The following FANCC variants were observed in gnomAD, a reference collection of about 807,000 sequenced individuals.
FANCC encodes the protein Fanconi anemia group C protein.
A neutral mutation model predicts 71.3 loss-of-function variants in FANCC; 55 were observed. The ratio of observed to expected loss-of-function variants is 0.77; its 90% CI spans 0.62 to 0.97. The LOEUF (loss-of-function observed/expected upper bound fraction) is 0.97, where lower values mean the gene tolerates loss of function less well. Among genes scored for constraint, FANCC ranks in the 50% least tolerant of loss-of-function variants. The pLI is 0.00. For synonymous variants in FANCC, 275 were observed against 244.9 expected (o/e 1.12, Z -1.15); for missense variants, 678 against 670.9 (o/e 1.01, Z -0.12).
At position 95,149,961 on chromosome 9, in the gene FANCC, C is replaced by A; in HGVS notation, c.648G>T (p.Gln216His). 6.2e-7 allele frequency: 1 copy of A among 1,611,640 alleles called. No homozygotes were observed. The highest frequency in any genetic ancestry group is 8.5e-7 in the Non-Finnish European group (1 of 1,179,024). The change falls in exon 7 of 15, where the codon CAG becomes CAT. Residue 216 changes from glutamine (Q) to histidine (H), a missense_variant. Gln to His is a conservative substitution (Grantham distance 24). Transcript: ENST00000289081. ...CHGREPQEILQPEFFEAVNEA... is the reference protein window; with the variant it reads ...CHGREPQEILHPEFFEAVNEA... ...CGTTTACAGCCTCAAAGAACTCTGGCTGGAGGATTTCCTGAGGTTCACGTC... is the reference window on the plus strand; with the variant it reads ...CGTTTACAGCCTCAAAGAACTCTGGATGGAGGATTTCCTGAGGTTCACGTC...
intron 11 of FANCC, among the ~76,000 whole-genome samples, chr9:95,116,249 C>T (rs905496540): frequency 6.6e-6 from 1 of 152,202 alleles, no homozygotes; most frequent in African/African-American, 2.4e-5. Context: ...CTGACCTAAG[C>T]GTAAGGTGAA....
intron 1 of FANCC, among the ~76,000 whole-genome samples, chr9:95,262,598 T>C (rs998064399): frequency 2.0e-5 from 3 of 152,156 alleles, no homozygotes; most frequent in Non-Finnish European, 1.5e-5. Context: ...GAATTACCAT[T>C]GATCCAGCAA....
intron 1 of FANCC, among the ~76,000 whole-genome samples, chr9:95,252,616 G>A (rs935479500): frequency 1.3e-5 from 2 of 151,570 alleles, no homozygotes; most frequent in Non-Finnish European, 2.9e-5. Flanking sequence ...CGTGGTGGTG[G>A]GCGCCTATAG....
At chr9:95,293,448 T>C (rs978028626) in intron 1 of FANCC, 48 of 1,570,162 alleles carry the variant, frequency 3.1e-5, no homozygotes, top group Non-Finnish European at 3.8e-5. Flanking sequence ...ACTTCTTTTC[T>C]AAATTGCTGA....
chr9:95,103,859 A>G (rs2071241848), intron 14 of FANCC, among the ~76,000 whole-genome samples: 1 of 152,178 alleles, frequency 6.6e-6, no homozygotes, highest in Non-Finnish European at 1.5e-5. Flanking sequence ...AGATGGAGCC[A>G]CTCGCTCAAG....
chr9:95,107,561 G>A, intron 13 of FANCC: 1 of 514,250 alleles, frequency 1.9e-6, no homozygotes, highest in Non-Finnish European at 3.5e-6. Context: ...ACAGAATGTA[G>A]TCAGATTTTT....
At chr9:95,238,630 A>C (rs750305606) in intron 4 of FANCC, among the ~76,000 whole-genome samples, 1 of 151,576 alleles carries the variant, frequency 6.6e-6, no homozygotes, top group South Asian at 2.1e-4. Context: ...CAGTGGCATG[A>C]TATCAGCTCA....
chr9:95,208,534 G>A (rs972771645), intron 4 of FANCC, among the ~76,000 whole-genome samples: 1 of 152,106 alleles, frequency 6.6e-6, no homozygotes, highest in Non-Finnish European at 1.5e-5. Flanking sequence ...ATAAAGAACT[G>A]TTAAAACTTA....
Position 95,141,994 on chromosome 9 carries a change from T to TG in FANCC, c.687-6493_687-6492insC, listed in dbSNP as rs1246652624. Among the ~76,000 whole-genome samples the TG allele has an allele frequency of 2.9e-5, 4 of 140,234 alleles. No individual in the cohort carries two copies. In the South Asian group the frequency reaches 9.7e-4, roughly 34 times the overall value. The allele number at this position is 140,234 out of a possible 152,430, so 92.0% of individuals were successfully genotyped here. On this transcript the variant is annotated intron_variant, in intron 7 of 14. Coordinates refer to ENST00000289081, the MANE Select transcript of FANCC (RefSeq NM_000136.3). ...GTTAACAGTTTGTGGGGTTTTTTTT[T>TG]TTTTTTTTTTTTTTTGAGGCAGAGT...
chr9:95,188,602 A>G (rs1304010124), intron 4 of FANCC, among the ~76,000 whole-genome samples: 1 of 152,118 alleles, frequency 6.6e-6, no homozygotes, highest in Non-Finnish European at 1.5e-5. Flanking sequence ...CATAATTTCA[A>G]ATCTTCCTAC....
chr9:95,213,212 T>C (rs563949863), intron 4 of FANCC, among the ~76,000 whole-genome samples: 1 of 152,302 alleles, frequency 6.6e-6, no homozygotes, highest in Non-Finnish European at 1.5e-5. Flanking sequence ...GTCACAATTG[T>C]GGCTCACATT....
At chr9:95,195,942 G>T (rs1055925316) in intron 4 of FANCC, among the ~76,000 whole-genome samples, 2 of 152,144 alleles carry the variant, frequency 1.3e-5, no homozygotes, top group African/African-American at 4.8e-5. Context: ...GTTGACTGTT[G>T]TGTGTTGATC....
intron 6 of FANCC, among the ~76,000 whole-genome samples, chr9:95,152,926 A>G (rs983728792): frequency 6.6e-6 from 1 of 152,190 alleles, no homozygotes; most frequent in Non-Finnish European, 1.5e-5. Flanking sequence ...TACCAACGAT[A>G]GTTGATGAGC....
At chr9:95,170,462 T>C (rs1825592371) in intron 6 of FANCC, among the ~76,000 whole-genome samples, 2 of 151,500 alleles carry the variant, frequency 1.3e-5, no homozygotes. Context: ...ATGTCAAAAA[T>C]GAAATGCCCA....
At chr9:95,259,437 T>C (rs1190140516) in intron 1 of FANCC, among the ~76,000 whole-genome samples, 1 of 152,160 alleles carries the variant, frequency 6.6e-6, no homozygotes, top group Non-Finnish European at 1.5e-5. Flanking sequence ...AAACAAGCAA[T>C]GGGAAAAGGA....
At chr9:95,146,107 G>A (rs1286158155) in intron 7 of FANCC, among the ~76,000 whole-genome samples, 2 of 152,102 alleles carry the variant, frequency 1.3e-5, no homozygotes, top group Admixed American at 6.6e-5. Context: ...TAATGGTATT[G>A]TAGTTTTGTT....
chr9:95,247,331 T>C (rs1564792504), intron 3 of FANCC, 101 bp downstream of exon 3: 3 of 751,878 alleles, frequency 4.0e-6, no homozygotes, highest in Admixed American at 4.6e-5. Context: ...GTTGTTCCAT[T>C]AAAAAAAAAA....
chr9:95,246,040 G>A (rs1830953833), intron 3 of FANCC, among the ~76,000 whole-genome samples: 2 of 152,166 alleles, frequency 1.3e-5, no homozygotes, highest in Non-Finnish European at 2.9e-5. Context: ...GTGTTTCACT[G>A]TGTGTGTGCA....
chr9:95,217,156 A>G (rs542857553), intron 4 of FANCC, among the ~76,000 whole-genome samples: 2 of 152,300 alleles, frequency 1.3e-5, no homozygotes, highest in South Asian at 4.1e-4. Flanking sequence ...TAACAGAAAG[A>G]TATGTGGAAA....
Sources: allele counts gnomAD v4.1 joint callset (sites outside exome capture counted in the v4.1 genomes callset), GRCh38; gene constraint gnomAD v4.1.1; transcripts MANE v1.5; gene names NCBI Gene and HGNC (gene_info 2026-07-23, HGNC 2026-07-21).